Variants in CCDC14 observed in about 807,000 individuals in gnomAD.
CCDC14 encodes coiled-coil domain-containing protein 14.
CCDC14 carries 71 observed loss-of-function variants against 81.4 expected under a neutral mutation model. The ratio of observed to expected loss-of-function variants is 0.87; its 90% CI spans 0.72 to 1.06. CCDC14 has a LOEUF of 1.06. Among genes scored for constraint, CCDC14 ranks in the 50% least tolerant of loss-of-function variants. The pLI is 0.00. For synonymous variants in CCDC14, 332 were observed against 364.8 expected (o/e 0.91, Z 1.03); for missense variants, 1,046 against 1,047.3 (o/e 1.00, Z 0.02).
Position 123,915,566 on chromosome 3 carries a change from C to A in CCDC14, c.1931G>T (p.Ser644Ile), listed in dbSNP as rs1437928447. ...DPAPAHTSIM[S>I]YLNKLETNYS... ...ATTTGTTTCTAACTTATTTAGATAG[C>A]TCATTATGGAAGTGTGAGCAGGAGC... The change falls in exon 13 of 13, where the codon AGC (serine) becomes ATC (isoleucine). Residue 644 changes from serine (S) to isoleucine (I), a missense_variant. Transcript: ENST00000409697. 6.2e-7 allele frequency: 1 copy of A among 1,613,912 alleles called. No homozygotes were observed. Among genetic ancestry groups the A allele is most frequent in the Non-Finnish European group, 8.5e-7 (1 of 1,179,864 alleles).
At chr3:123,945,535 CAA>C (rs1480361119) in intron 8 of CCDC14, among the ~76,000 whole-genome samples, 2 of 151,976 alleles carry the variant, frequency 1.3e-5, no homozygotes, top group South Asian at 2.1e-4. Context: ...GATGTGACAT[CAA>C]AAGTTTGTTA....
At position 123,942,901 on chromosome 3, in the gene CCDC14, CAAGTT is replaced by C. The variant is rs2036425651; in HGVS notation, c.1343+1943_1343+1947del. 5.3e-5 allele frequency among the ~76,000 whole-genome samples: 8 copies of C among 152,050 alleles called. No homozygotes were observed. The South Asian group carries it at 1.5e-3, about 28-fold the overall frequency. On this transcript the variant is annotated intron_variant, in intron 9 of 12. Transcript: ENST00000409697. ...AAACAAATTAAGAATGTAATTCCAA[CAAGTT>C]AAGATGACCAAAAGAAAAAATATCA...
chr3:123,914,697 CAT>C lies in CCDC14; in HGVS notation c.*80_*81del. 6.9e-7 allele frequency: 1 copy of C among 1,445,144 alleles called. No homozygotes were observed. The highest frequency in any genetic ancestry group is 9.1e-7 in the Non-Finnish European group (1 of 1,099,374). 89.5% of individuals were successfully genotyped at this position (1,445,144 alleles called of 1,614,324 possible). ...CTTCACACATAATAACATAAAACAT[CAT>C]TTCACTAAAGAAAAATACACATTCA... On this transcript the variant is annotated 3_prime_UTR_variant, in exon 13 of 13. Coordinates refer to ENST00000409697, the MANE Select transcript of CCDC14 (RefSeq NM_001366335.1).
chr3:123,895,975 C>G (rs2034055215), downstream of CCDC14, among the ~76,000 whole-genome samples: 1 of 152,160 alleles, frequency 6.6e-6, no homozygotes, highest in Non-Finnish European at 1.5e-5. Context: ...TTCCCATGCT[C>G]ATTGCAGCAT....
At chr3:123,937,482 G>A (rs2036114093) in intron 9 of CCDC14, among the ~76,000 whole-genome samples, 1 of 151,840 alleles carries the variant, frequency 6.6e-6, no homozygotes, top group South Asian at 2.1e-4. Flanking sequence ...TTGGTGAAGT[G>A]TCTGTTCAAA....
chr3:123,931,486 T>C lies in CCDC14; in HGVS notation c.1467A>G (p.Gln489=), dbSNP rs1206301450. ...LQSLNMSLQN[Q]LEESLKSQEL... is the part of the protein sequence containing the mutation. ...CCTGGCTCTTTAGTGACTCCTCCAATTGATTTTGCAGTGACATATTCAATG... is the reference window on the plus strand; with the variant it reads ...CCTGGCTCTTTAGTGACTCCTCCAACTGATTTTGCAGTGACATATTCAATG... The change falls in exon 11 of 13, where the codon CAA becomes CAG. Residue 489 remains glutamine (Q), a synonymous_variant. Transcript: ENST00000409697. 2 of 1,573,872 alleles carry C rather than the reference T, an allele frequency of 1.3e-6. No homozygotes were observed. Among genetic ancestry groups the C allele is most frequent in the South Asian group, 1.2e-5 (1 of 85,680 alleles).
At chr3:123,933,017 T>C (rs1194886775) in intron 10 of CCDC14, among the ~76,000 whole-genome samples, 1 of 152,058 alleles carries the variant, frequency 6.6e-6, no homozygotes, top group Non-Finnish European at 1.5e-5. Flanking sequence ...GAGAATCACT[T>C]GAACCTTGGA....
At chr3:123,897,665 C>A in intron 5 of CCDC14, 1 of 893,046 alleles carries the variant, frequency 1.1e-6, no homozygotes, top group Non-Finnish European at 1.4e-6. Context: ...GGATTACATT[C>A]TATTATTTTA....
intron 7 of CCDC14, among the ~76,000 whole-genome samples, chr3:123,948,239 CT>C (rs5852375): frequency 0.21 from 29,342 of 138,252 alleles, 6,500 homozygotes; most frequent in East Asian, 0.74. Flanking sequence ...TCTTTCTTTT[CT>C]TTTTTTTTTT....
chr3:123,900,671 A>G (rs1422488796), intron 5 of CCDC14, among the ~76,000 whole-genome samples: 1 of 152,266 alleles, frequency 6.6e-6, no homozygotes, highest in African/African-American at 2.4e-5. Flanking sequence ...TTATACATTT[A>G]ACAAGATCAA....
At chr3:123,954,213 G>A (rs1460172717) in intron 5 of CCDC14, 1 of 152,084 alleles carries the variant, frequency 6.6e-6, no homozygotes, top group East Asian at 1.9e-4. Context: ...CCAATAAAAA[G>A]GCCTCTGCTT....
intron 12 of CCDC14, among the ~76,000 whole-genome samples, chr3:123,926,406 A>C (rs915540284): frequency 6.6e-6 from 1 of 151,872 alleles, no homozygotes. Flanking sequence ...AAACTGGCAC[A>C]TTTTCATAAC....
At chr3:123,936,390 C>T (rs2036057333) in intron 9 of CCDC14, among the ~76,000 whole-genome samples, 1 of 151,398 alleles carries the variant, frequency 6.6e-6, no homozygotes, top group Non-Finnish European at 1.5e-5. Context: ...TTTTTTTAGA[C>T]AGCTTGAGAT....
Position 123,946,980 on chromosome 3 carries a change from A to T in CCDC14, c.1024T>A (p.Cys342Ser). 1 of 1,613,838 alleles carries T rather than the reference A, an allele frequency of 6.2e-7. No individual in the cohort carries two copies. Among genetic ancestry groups the T allele is most frequent in the Middle Eastern group, 1.6e-4 (1 of 6,062 alleles). Residue 342 changes from cysteine (C) to serine (S), a missense_variant, in exon 8 of 13, where the codon TGT (cysteine) becomes AGT (serine). Transcript: ENST00000409697. The stretch of plus-strand genomic sequence containing the variant: ...GCCTCTCTAATTTGCTCTCTGGCAC[A>T]TTTTTCTTCATTAGTGGCCAAGAAA... ...PAFLATNEEK[C>S]AREQIREATS...
intron 12 of CCDC14, among the ~76,000 whole-genome samples, chr3:123,924,948 CAT>C (rs748391830): frequency 1.0e-3 from 135 of 129,148 alleles, no homozygotes; most frequent in Middle Eastern, 3.8e-3. Context: ...TATATGTATA[CAT>C]ATATACACAC....
chr3:123,961,174 C>T lies in CCDC14; in HGVS notation c.-1G>A. On this transcript the variant is annotated 5_prime_UTR_variant, in exon 1 of 13. Transcript: ENST00000409697. ...CCGGTCGAGCTCCAGACCTGACCAT[C>T]TCTCGCCGCCTCAGAGAAGCCCAGA... is the stretch of plus-strand genomic sequence containing the variant. The T allele has an allele frequency of 6.4e-7, 1 of 1,551,622 alleles. No homozygotes were observed. The highest frequency in any genetic ancestry group is 8.7e-7 in the Non-Finnish European group (1 of 1,146,992).
intron 5 of CCDC14, among the ~76,000 whole-genome samples, chr3:123,952,198 T>G (rs933126296): frequency 1.3e-5 from 2 of 152,174 alleles, no homozygotes; most frequent in African/African-American, 2.4e-5. Flanking sequence ...TCCACAAAAC[T>G]TTTTCAGTCC....
chr3:123,904,741 A>G (rs2034267766), intron 5 of CCDC14, among the ~76,000 whole-genome samples: 1 of 152,192 alleles, frequency 6.6e-6, no homozygotes, highest in Admixed American at 6.5e-5. Context: ...GTTATACAAT[A>G]TTAATGAGTT....
At chr3:123,932,002 A>G (rs967104184) in intron 10 of CCDC14, among the ~76,000 whole-genome samples, 3 of 152,148 alleles carry the variant, frequency 2.0e-5, no homozygotes, top group East Asian at 3.9e-4. Flanking sequence ...TTTTTTTCCC[A>G]TAAGACTGTT....
Sources: gnomAD v4.1 joint callset for allele counts (sites outside exome capture counted in the v4.1 genomes callset) on GRCh38, gnomAD v4.1.1 for gene constraint, MANE v1.5 for transcripts, NCBI Gene and HGNC (gene_info 2026-07-23, HGNC 2026-07-21) for gene names.